The following HERC2 variants were observed in gnomAD, a reference collection of about 807,000 sequenced individuals.
The protein encoded by HERC2 is E3 ubiquitin-protein ligase HERC2.
In HERC2, 102 loss-of-function variants were observed where a neutral mutation model predicts 537.7. The ratio of observed to expected loss-of-function variants is 0.19; its 90% CI spans 0.16 to 0.22. The LOEUF (loss-of-function observed/expected upper bound fraction) is 0.22, where lower values mean the gene tolerates loss of function less well. Ranked by LOEUF, HERC2 falls within the 10% of genes least tolerant of loss-of-function variation. The pLI is 1.00. For missense variants in HERC2, 4,236 were observed against 6,198.2 expected (o/e 0.68, Z 10.63); for synonymous variants, 2,224 against 2,466.2 (o/e 0.90, Z 2.91).
At chr15:28,309,408 A>G (rs996718103) in intron 2 of HERC2, among the ~76,000 whole-genome samples, 12 of 152,130 alleles carry the variant, frequency 7.9e-5, no homozygotes, top group African/African-American at 2.9e-4. Flanking sequence ...CCCCTTTATC[A>G]TTACATAATG....
intron 38 of HERC2, among the ~76,000 whole-genome samples, chr15:28,218,188 T>C (rs566067550): frequency 2.4e-4 from 36 of 151,442 alleles, no homozygotes; most frequent in South Asian, 6.2e-4. Flanking sequence ...ACGGCAGAGA[T>C]AGGGGTGACA....
chr15:28,267,089 A>G (rs2075589033), intron 12 of HERC2, among the ~76,000 whole-genome samples: 1 of 152,172 alleles, frequency 6.6e-6, no homozygotes, highest in African/African-American at 2.4e-5. Flanking sequence ...TATTCTTAGG[A>G]TCCAGAATAT....
At position 28,212,558 on chromosome 15, in the gene HERC2, T is replaced by A. The variant is rs1194151902; in HGVS notation, c.6812A>T (p.Asn2271Ile). Residue 2271 changes from asparagine (N) to isoleucine (I), a missense_variant, in exon 43 of 93, where the codon AAC becomes ATC. Physicochemically the swap from Asn to Ile is moderately radical, Grantham distance 149. Coordinates refer to ENST00000261609, the MANE Select transcript of HERC2 (RefSeq NM_004667.6). ...KPLPAVAFNV[N>I]NLPFTEPMLS... ...CATGGGCTCTGTGAAGGGCAGGTTGTTCACATTAAAGGCCACGGCAGGGAG... is the reference window on the plus strand; with the variant it reads ...CATGGGCTCTGTGAAGGGCAGGTTGATCACATTAAAGGCCACGGCAGGGAG... The A allele has an allele frequency of 1.3e-6, 2 of 1,597,740 alleles. No homozygotes were observed. The highest frequency in any genetic ancestry group is 1.7e-6 in the Non-Finnish European group (2 of 1,167,614).
At chr15:28,307,138 A>G (rs1393879242) in intron 2 of HERC2, among the ~76,000 whole-genome samples, 1 of 152,166 alleles carries the variant, frequency 6.6e-6, no homozygotes, top group Non-Finnish European at 1.5e-5. Context: ...CCCGGCCTGC[A>G]AACTTATCTA....
intron 2 of HERC2, among the ~76,000 whole-genome samples, chr15:28,306,208 C>T (rs971645883): frequency 2.0e-5 from 3 of 152,196 alleles, no homozygotes; most frequent in Non-Finnish European, 2.9e-5. Flanking sequence ...TGTGTGTCAG[C>T]TGTATATGGC....
chr15:28,147,116 C>T (rs1413561527), intron 70 of HERC2, among the ~76,000 whole-genome samples: 5 of 149,240 alleles, frequency 3.4e-5, no homozygotes, highest in African/African-American at 1.2e-4. Context: ...TGAGACCCCG[C>T]GGTGCTCTAG....
At chr15:28,287,763 T>C (rs930666466) in intron 4 of HERC2, among the ~76,000 whole-genome samples, 52 of 147,892 alleles carry the variant, frequency 3.5e-4, no homozygotes, top group African/African-American at 1.3e-3. Context: ...TCTCACCCTG[T>C]CACCCAGGCT....
intron 92 of HERC2, among the ~76,000 whole-genome samples, chr15:28,112,450 T>A (rs949194460): frequency 6.6e-6 from 1 of 152,242 alleles, no homozygotes; most frequent in Non-Finnish European, 1.5e-5. Context: ...CCTTCTAAGA[T>A]AGAAAACTAT....
chr15:28,287,449 G>T (rs755708617), intron 4 of HERC2, among the ~76,000 whole-genome samples: 1 of 152,038 alleles, frequency 6.6e-6, no homozygotes, highest in Non-Finnish European at 1.5e-5. Context: ...CAATAAGCTG[G>T]GCTTTAATCT....
chr15:28,137,579 G>C (rs1447175582), intron 78 of HERC2, among the ~76,000 whole-genome samples: 1 of 152,124 alleles, frequency 6.6e-6, no homozygotes, highest in Admixed American at 6.6e-5. Context: ...TGTTGTACTT[G>C]TTTTGAGGCA....
At chr15:28,141,003 C>T (rs1440149558) in intron 78 of HERC2, among the ~76,000 whole-genome samples, 4 of 150,656 alleles carry the variant, frequency 2.7e-5, no homozygotes, top group African/African-American at 4.9e-5. Context: ...TTTGGAAGGC[C>T]GAGGTGGGTG....
intron 14 of HERC2, among the ~76,000 whole-genome samples, chr15:28,264,904 C>T (rs188156491): frequency 8.1e-4 from 124 of 152,216 alleles, no homozygotes; most frequent in Non-Finnish European, 1.4e-3. Context: ...AGGTCTGTCC[C>T]GTCAATGGCA....
intron 44 of HERC2, among the ~76,000 whole-genome samples, chr15:28,207,322 A>G (rs562940907): frequency 6.6e-6 from 1 of 152,122 alleles, no homozygotes. Flanking sequence ...TTTAGTATAG[A>G]TGGGGGTTTC....
At position 28,144,698 on chromosome 15, in the gene HERC2, G is replaced by A. The variant is rs757906520; in HGVS notation, c.11115C>T (p.Thr3705=). Residue 3705 remains threonine (T), a synonymous_variant, in exon 72 of 93, where the codon ACC becomes ACT. Coordinates refer to ENST00000261609, the MANE Select transcript of HERC2 (RefSeq NM_004667.6). The part of the protein sequence containing the change: ...GSVNGWGWRF[T]VYPIMPAAGP... ...CAGCAGCTGGCATGATGGGATAGAC[G>A]GTGAAGCGCCAGCCCCAGCCATTCA... 18 of 1,614,068 alleles carry A rather than the reference G, an allele frequency of 1.1e-5. No individual in the cohort carries two copies. Among genetic ancestry groups the A allele is most frequent in the East Asian group, 2.2e-5 (1 of 44,880 alleles).
chr15:28,217,248 C>A (rs1026019194), intron 38 of HERC2, among the ~76,000 whole-genome samples: 1 of 152,074 alleles, frequency 6.6e-6, no homozygotes, highest in African/African-American at 2.4e-5. Context: ...TGCTCACCCT[C>A]ACACACACAC....
rs982804727 is a variant in HERC2, at chr15:28,142,346, G to A, written c.11592C>T (p.Cys3864=). 6.2e-7 allele frequency: 1 copy of A among 1,613,936 alleles called. No individual in the cohort carries two copies. Among genetic ancestry groups the A allele is most frequent in the African/African-American group, 1.3e-5 (1 of 74,934 alleles). The change falls in exon 76 of 93, where the codon TGC becomes TGT. Residue 3864 remains cysteine, a synonymous_variant. Coordinates refer to ENST00000261609, the MANE Select transcript of HERC2 (RefSeq NM_004667.6). The part of the protein sequence containing the change: ...ACDLELDTLP[C]CAETHKWAWF... ...AGGCCCACTTGTGCGTCTCGGCACAGCAAGGCAGAGTGTCCAGCTCCAGGT... is the reference window on the plus strand; with the variant it reads ...AGGCCCACTTGTGCGTCTCGGCACAACAAGGCAGAGTGTCCAGCTCCAGGT...
intron 16 of HERC2, among the ~76,000 whole-genome samples, chr15:28,258,375 G>C (rs1329928067): frequency 6.6e-6 from 1 of 152,156 alleles, no homozygotes; most frequent in African/African-American, 2.4e-5. Flanking sequence ...AGGAAGCTGA[G>C]GCAGGAGAAT....
At chr15:28,278,100 A>G (rs2075924963) in intron 5 of HERC2, among the ~76,000 whole-genome samples, 1 of 151,838 alleles carries the variant, frequency 6.6e-6, no homozygotes, top group South Asian at 2.1e-4. Flanking sequence ...TACAAATTAA[A>G]AAAAAAAAAA....
intron 4 of HERC2, among the ~76,000 whole-genome samples, chr15:28,284,751 C>T (rs1486913939): frequency 2.6e-5 from 4 of 151,600 alleles, no homozygotes; most frequent in African/African-American, 7.3e-5. Flanking sequence ...CCCATCTCTA[C>T]TAAAAATACA....
Sources: allele counts gnomAD v4.1 joint callset (sites outside exome capture counted in the v4.1 genomes callset), GRCh38; gene constraint gnomAD v4.1.1; transcripts MANE v1.5; gene names NCBI Gene and HGNC (gene_info 2026-07-23, HGNC 2026-07-21).